Variants in GALNT13 observed in about 807,000 individuals in gnomAD.
GALNT13 encodes the protein polypeptide N-acetylgalactosaminyltransferase 13.
Under a neutral mutation model 64.2 loss-of-function variants are expected in GALNT13, and 28 were observed. That is an observed-to-expected ratio of 0.44 (90% CI 0.32 to 0.60). The LOEUF is 0.60. Among genes scored for constraint, GALNT13 ranks in the 20% least tolerant of loss-of-function variants. The pLI is 0.05. For missense variants in GALNT13, 577 were observed against 669.8 expected, an observed-to-expected ratio of 0.86 and a Z score of 1.53; for synonymous variants, 214 against 224.6, an observed-to-expected ratio of 0.95 and a Z score of 0.42.
chr2:153,693,174 G>A, the GALNT13 span, among the ~76,000 whole-genome samples: 3 of 152,072 alleles, frequency 2.0e-5, no homozygotes, highest in African/African-American at 4.8e-5. Context: ...AGTCTAATCC[G>A]GCAGATCTCT....
At chr2:153,626,145 C>T in the GALNT13 span, among the ~76,000 whole-genome samples, 1 of 152,134 alleles carries the variant, frequency 6.6e-6, no homozygotes, top group African/African-American at 2.4e-5. Flanking sequence ...TCACATAAAC[C>T]ATTGGTTCCC....
the GALNT13 span, among the ~76,000 whole-genome samples, chr2:153,211,079 T>G: frequency 6.6e-6 from 1 of 152,258 alleles, no homozygotes; most frequent in South Asian, 2.1e-4. Context: ...TTAATAAAAT[T>G]TTAGAGATAA....
chr2:153,318,520 C>T, the GALNT13 span, among the ~76,000 whole-genome samples: 2 of 152,166 alleles, frequency 1.3e-5, no homozygotes. Context: ...ATTTTCCAAT[C>T]ATGAGGAAAG....
At chr2:153,449,070 C>T in the GALNT13 span, among the ~76,000 whole-genome samples, 43 of 152,156 alleles carry the variant, frequency 2.8e-4, no homozygotes, top group Middle Eastern at 3.4e-3. Flanking sequence ...CTCTCTCTCT[C>T]CTGTGCATGT....
intron 4 of GALNT13, among the ~76,000 whole-genome samples, chr2:154,235,014 TGGC>T (rs1689118953): frequency 6.6e-6 from 1 of 152,158 alleles, no homozygotes; most frequent in Admixed American, 6.6e-5. Flanking sequence ...AGAAATTCCT[TGGC>T]TTCCTGTTCC....
chr2:153,496,993 C>CAA, the GALNT13 span, among the ~76,000 whole-genome samples: 9 of 90,834 alleles, frequency 9.9e-5, no homozygotes, highest in Non-Finnish European at 1.8e-4. Context: ...GATTTTGTCT[C>CAA]AAAAAAAAAA....
intron 3 of GALNT13, among the ~76,000 whole-genome samples, chr2:154,100,177 C>A (rs1405222174): frequency 1.3e-5 from 2 of 151,796 alleles, no homozygotes; most frequent in Admixed American, 6.6e-5. Flanking sequence ...CTTAAAATTT[C>A]TTTGGCCATT....
At chr2:153,765,337 G>C in the GALNT13 span, among the ~76,000 whole-genome samples, 1 of 152,158 alleles carries the variant, frequency 6.6e-6, no homozygotes, top group Admixed American at 6.5e-5. Flanking sequence ...TTGCACCAGC[G>C]TGACCTGGAT....
chr2:154,290,131 C>A (rs1332309298), intron 8 of GALNT13, among the ~76,000 whole-genome samples: 3 of 152,146 alleles, frequency 2.0e-5, no homozygotes, highest in Non-Finnish European at 4.4e-5. Flanking sequence ...AGATTTACTG[C>A]CGGGGCAAGT....
chr2:154,031,158 A>G (rs1161508159), intron 3 of GALNT13, among the ~76,000 whole-genome samples: 1 of 152,148 alleles, frequency 6.6e-6, no homozygotes, highest in Admixed American at 6.6e-5. Context: ...GTATTGGGAT[A>G]TAGTGTTACA....
intron 10 of GALNT13, among the ~76,000 whole-genome samples, chr2:154,397,038 C>T (rs1474210796): frequency 6.6e-6 from 1 of 151,382 alleles, no homozygotes; most frequent in South Asian, 2.1e-4. Flanking sequence ...TTGGTCAAAA[C>T]AAGAATTATA....
chr2:153,902,842 G>C (rs1473672648), intron 2 of GALNT13, among the ~76,000 whole-genome samples: 3 of 152,020 alleles, frequency 2.0e-5, no homozygotes, highest in Non-Finnish European at 1.5e-5. Flanking sequence ...AATTGTCCCA[G>C]GTCACAAAAG....
At chr2:154,110,380 G>GAGAGAGAC (rs1167646909) in intron 3 of GALNT13, among the ~76,000 whole-genome samples, 1 of 129,608 alleles carries the variant, frequency 7.7e-6, no homozygotes, top group Non-Finnish European at 1.6e-5. Context: ...GAGAGAGACA[G>GAGAGAGAC]AGAGAGAGAG....
chr2:154,233,105 AG>A (rs1190543510), intron 4 of GALNT13, among the ~76,000 whole-genome samples: 2 of 152,068 alleles, frequency 1.3e-5, no homozygotes, highest in Non-Finnish European at 2.9e-5. Flanking sequence ...GAATATTGTA[AG>A]GATTATCTTT....
chr2:154,039,389 G>C (rs1698853682), intron 3 of GALNT13, among the ~76,000 whole-genome samples: 2 of 140,092 alleles, frequency 1.4e-5, no homozygotes, highest in African/African-American at 4.9e-5. Context: ...AATGGATCAA[G>C]AAAAATGTGG....
the GALNT13 span, among the ~76,000 whole-genome samples, chr2:153,755,294 C>T: frequency 6.6e-6 from 1 of 152,040 alleles, no homozygotes; most frequent in East Asian, 1.9e-4. Flanking sequence ...TGATCCATCC[C>T]TCTCCTCTAT....
chr2:153,973,267 A>G (rs1198791657), intron 3 of GALNT13, among the ~76,000 whole-genome samples: 2 of 152,138 alleles, frequency 1.3e-5, no homozygotes, highest in Middle Eastern at 3.4e-3. Context: ...AAAGACCTCT[A>G]TAATTTACAA....
chr2:153,088,726 T>G, the GALNT13 span, among the ~76,000 whole-genome samples: 1 of 152,148 alleles, frequency 6.6e-6, no homozygotes, highest in Non-Finnish European at 1.5e-5. Context: ...ATTATGTCCC[T>G]CCTTGTCTAT....
At chr2:154,280,441 G>C (rs1465928932) in intron 8 of GALNT13, among the ~76,000 whole-genome samples, 1 of 152,158 alleles carries the variant, frequency 6.6e-6, no homozygotes, top group Admixed American at 6.5e-5. Flanking sequence ...AGAGGAGACA[G>C]GTTGTCCTAT....
Sources: allele counts gnomAD v4.1 joint callset (sites outside exome capture counted in the v4.1 genomes callset), GRCh38; gene constraint gnomAD v4.1.1; transcripts MANE v1.5; gene names NCBI Gene and HGNC (gene_info 2026-07-23, HGNC 2026-07-21).